CCR6: variants seen among roughly 807,000 people sequenced by gnomAD.
CCR6 encodes the protein C-C chemokine receptor type 6.
In CCR6, 2 loss-of-function variants were observed where a neutral mutation model predicts 3.0. The observed-to-expected ratio is 0.66, with a 90% CI of 0.27 to 2.07. CCR6 has a LOEUF of 2.07. CCR6 is among the 30% of genes most tolerant of loss of function. The pLI, the probability that CCR6 is intolerant of heterozygous loss-of-function variation, is 0.14. For missense variants in CCR6, 322 were observed against 462.8 expected (o/e 0.70, Z 2.79); for synonymous variants, 193 against 184.3 (o/e 1.05, Z -0.38).
chr6:167,120,046 T>C (rs1345871392), upstream of CCR6, among the ~76,000 whole-genome samples: 2 of 152,210 alleles, frequency 1.3e-5, no homozygotes, highest in African/African-American at 4.8e-5. Flanking sequence ...GTGCGCACAA[T>C]GAGAGTAGAA....
intron 1 of CCR6, among the ~76,000 whole-genome samples, chr6:167,130,959 C>CCA (rs1781746502): frequency 7.1e-6 from 1 of 140,962 alleles, no homozygotes; most frequent in Non-Finnish European, 1.6e-5. Flanking sequence ...CCCTCCGGGA[C>CCA]TCCTCCCTCT....
rs35272021 is a variant in CCR6 at position 167,130,176 on chromosome 6, T to C, written c.-97-5862T>C. On this transcript the variant is annotated intron_variant, in intron 1 of 2. Coordinates refer to ENST00000341935, the MANE Select transcript of CCR6 (RefSeq NM_031409.4). ...GTGGTCATAGGGACCACGTGTGAGA[T>C]AGGAAGTGCTGAACCTCAAAGAGAC... Among the ~76,000 whole-genome samples, 16 of 151,826 alleles carry C rather than the reference T, an allele frequency of 1.1e-4. 1 individual carries two copies. Among genetic ancestry groups the C allele is most frequent in the Middle Eastern group, 3.4e-3 (1 of 294 alleles).
intron 1 of CCR6, among the ~76,000 whole-genome samples, chr6:167,124,823 G>A (rs1418112421): frequency 6.7e-6 from 1 of 149,356 alleles, no homozygotes; most frequent in Non-Finnish European, 1.5e-5. Context: ...ACACATATGC[G>A]TGCATATATA....
chr6:167,132,133 C>T (rs1274965061), intron 1 of CCR6, among the ~76,000 whole-genome samples: 1 of 152,200 alleles, frequency 6.6e-6, no homozygotes, highest in Non-Finnish European at 1.5e-5. Context: ...TTTTGAGTCA[C>T]CCCCGTTGGA....
At chr6:167,113,932 G>A (rs932344133) in intron 1 of CCR6, among the ~76,000 whole-genome samples, 1 of 152,186 alleles carries the variant, frequency 6.6e-6, no homozygotes, top group Non-Finnish European at 1.5e-5. Flanking sequence ...AAGGGAAAAT[G>A]GAACAAAGAA....
At chr6:167,130,985 C>CCGGGACTCCTCCCTT (rs1327337579) in intron 1 of CCR6, among the ~76,000 whole-genome samples, 1 of 109,804 alleles carries the variant, frequency 9.1e-6, no homozygotes, top group Non-Finnish European at 1.9e-5. Flanking sequence ...CACCCTCCCT[C>CCGGGACTCCTCCCTT]TGGACCCCCT....
chr6:167,121,761 C>T (rs115516971), upstream of CCR6, among the ~76,000 whole-genome samples: 191 of 152,310 alleles, frequency 1.3e-3, no homozygotes, highest in African/African-American at 4.3e-3. Flanking sequence ...TAGAGGAAAA[C>T]AGCCAGGACT....
intron 1 of CCR6, among the ~76,000 whole-genome samples, chr6:167,128,692 C>T (rs958415622): frequency 3.3e-5 from 5 of 152,184 alleles, no homozygotes; most frequent in Non-Finnish European, 7.3e-5. Context: ...TTGCTTCAGC[C>T]TCTTGAGTAG....
chr6:167,113,573 C>A (rs1376765338), intron 1 of CCR6, among the ~76,000 whole-genome samples: 1 of 152,206 alleles, frequency 6.6e-6, no homozygotes, highest in Non-Finnish European at 1.5e-5. Flanking sequence ...ACGTCCCCAG[C>A]GGCTCCACGA....
rs1554282142 is a variant in CCR6 at position 167,130,979 on chromosome 6, C to CCCA, written c.-97-5059_-97-5058insCCA. ...CGGGACTCCTCCCTCTGGGACCACC[C>CCCA]TCCCTCTGGACCCCCTCCCTTTGGG... On this transcript the variant is annotated intron_variant, in intron 1 of 2. Transcript: ENST00000341935. Among the ~76,000 whole-genome samples the CCCA allele has an allele frequency of 3.2e-4, 18 of 56,932 alleles. No individual in the cohort carries two copies. In the South Asian group the frequency reaches 7.2e-3, roughly 23 times the overall value. 37.3% of individuals were successfully genotyped at this position (56,932 alleles called of 152,430 possible). A position where few individuals can be genotyped will look rare whatever the true frequency, so the allele number is the denominator to read the frequency against.
At chr6:167,134,655 C>T (rs1394634987) in intron 1 of CCR6, among the ~76,000 whole-genome samples, 2 of 150,532 alleles carry the variant, frequency 1.3e-5, no homozygotes, top group Non-Finnish European at 3.0e-5. Context: ...AGTGTGGGGG[C>T]GAGGAGGGCA....
intron 1 of CCR6, among the ~76,000 whole-genome samples, chr6:167,130,389 C>T (rs1368424916): frequency 2.6e-5 from 4 of 151,884 alleles, no homozygotes. Context: ...AGTGTCTTCA[C>T]ATCAACATTT....
intron 1 of CCR6, among the ~76,000 whole-genome samples, chr6:167,130,957 G>T: frequency 1.4e-5 from 2 of 144,892 alleles, no homozygotes; most frequent in Non-Finnish European, 3.0e-5. Context: ...CTCCCTCCGG[G>T]ACTCCTCCCT....
chr6:167,125,045 A>T (rs1405565135), intron 1 of CCR6, among the ~76,000 whole-genome samples: 4 of 152,068 alleles, frequency 2.6e-5, no homozygotes, highest in Admixed American at 2.6e-4. Flanking sequence ...AAACAGGTGT[A>T]TATATGCAGG....
Position 167,136,643 on chromosome 6 carries a change from G to C in CCR6, c.413G>C (p.Cys138Ser). 6.2e-7 allele frequency: 1 copy of C among 1,614,124 alleles called. No individual in the cohort carries two copies. Among genetic ancestry groups the C allele is most frequent in the Non-Finnish European group, 8.5e-7 (1 of 1,180,038 alleles). The change falls in exon 3 of 3, where the codon TGC (cysteine) becomes TCC (serine). Residue 138 changes from cysteine (C) to serine (S), a missense_variant. Transcript: ENST00000341935. The surrounding 1 kb of genome is among the most constrained non-coding windows in gnomAD (Gnocchi z 4.6). The stretch of plus-strand genomic sequence containing the variant: ...AACTGCGGGATGCTGCTCCTGACTT[G>C]CATTAGCATGGACCGGTACATCGCC... ...NFNCGMLLLT[C>S]ISMDRYIAIV...
chr6:167,112,609 G>A (rs117912866), intron 1 of CCR6, among the ~76,000 whole-genome samples: 2,791 of 152,256 alleles, frequency 0.018, 76 homozygotes, highest in East Asian at 0.089. Context: ...GCTGCAGAAT[G>A]GGGGGTGCTG....
intron 1 of CCR6, among the ~76,000 whole-genome samples, chr6:167,130,559 T>G (rs571631975): frequency 1.3e-5 from 2 of 151,854 alleles, no homozygotes; most frequent in South Asian, 4.1e-4. Context: ...ATTCACACAG[T>G]TTTTCCTGTG....
chr6:167,121,236 T>G (rs529749234), upstream of CCR6, among the ~76,000 whole-genome samples: 1 of 152,278 alleles, frequency 6.6e-6, no homozygotes, highest in African/African-American at 2.4e-5. Context: ...TTGGGCCTCC[T>G]GGGTCCCTCA....
Position 167,130,312 on chromosome 6 carries a change from A to G in CCR6, c.-97-5726A>G, listed in dbSNP as rs1031703942. 7.9e-5 allele frequency among the ~76,000 whole-genome samples: 12 copies of G among 151,848 alleles called. 1 individual carries two copies. Among genetic ancestry groups the G allele is most frequent in the Non-Finnish European group, 1.6e-4 (11 of 68,034 alleles). ...CCTGCATCTCTCATCTGCCACTCGT[A>G]GATAACAGGGTGTCTTATTCTCAGT... On this transcript the variant is annotated intron_variant, in intron 1 of 2. Coordinates refer to ENST00000341935, the MANE Select transcript of CCR6 (RefSeq NM_031409.4).
Sources: allele counts gnomAD v4.1 joint callset (sites outside exome capture counted in the v4.1 genomes callset), GRCh38; gene constraint gnomAD v4.1.1; non-coding constraint Gnocchi (gnomAD v3.1); transcripts MANE v1.5; gene names NCBI Gene and HGNC (gene_info 2026-07-23, HGNC 2026-07-21).